UGGT2: variants seen among roughly 807,000 people sequenced by gnomAD.
UGGT2 encodes the protein UDP-glucose glycoprotein glucosyltransferase 2, also known as UDP-glucose:glycoprotein glucosyltransferase 2.
A neutral mutation model predicts 192.1 loss-of-function variants in UGGT2; 180 were observed. That is an observed-to-expected ratio of 0.94 (90% CI 0.83 to 1.06). The LOEUF is 1.06. Among genes scored for constraint, UGGT2 ranks in the 50% least tolerant of loss-of-function variants. The probability of loss-of-function intolerance (pLI) is 0.00; values close to 1 mark genes in which losing one functional copy is unlikely to be tolerated. For missense variants in UGGT2, 1,849 were observed against 1,795.7 expected, an observed-to-expected ratio of 1.03 and a Z score of -0.54; for synonymous variants, 580 against 591.0, an observed-to-expected ratio of 0.98 and a Z score of 0.27.
chr13:95,989,848 T>A, intron 8 of UGGT2, 125 bp downstream of exon 8: 1 of 548,382 alleles, frequency 1.8e-6, no homozygotes, highest in Non-Finnish European at 3.0e-6. Flanking sequence ...AATCATAATT[T>A]ATATTATTCA....
intron 10 of UGGT2, among the ~76,000 whole-genome samples, chr13:95,979,502 A>G (rs1361259118): frequency 6.7e-6 from 1 of 148,350 alleles, no homozygotes; most frequent in Non-Finnish European, 1.5e-5. Flanking sequence ...TCATGCAAAA[A>G]CTAGAATAGG....
chr13:95,965,435 T>C (rs2140737521), intron 12 of UGGT2, among the ~76,000 whole-genome samples: 1 of 152,052 alleles, frequency 6.6e-6, no homozygotes, highest in Non-Finnish European at 1.5e-5. Flanking sequence ...GTTCATGTCC[T>C]TTGTAGGGAC....
chr13:95,806,290 G>C (rs1315356709), intron 38 of UGGT2, among the ~76,000 whole-genome samples: 1 of 152,170 alleles, frequency 6.6e-6, no homozygotes, highest in Non-Finnish European at 1.5e-5. Flanking sequence ...ATTTATGGTT[G>C]ATATCTGAAG....
intron 1 of UGGT2, among the ~76,000 whole-genome samples, chr13:96,042,279 T>A (rs1348904031): frequency 6.6e-6 from 1 of 152,124 alleles, no homozygotes; most frequent in Non-Finnish European, 1.5e-5. Flanking sequence ...TCTCTACAGC[T>A]TGGCTGTCAG....
At chr13:95,842,074 G>C (rs1468043297) in intron 36 of UGGT2, among the ~76,000 whole-genome samples, 1 of 152,114 alleles carries the variant, frequency 6.6e-6, no homozygotes, top group African/African-American at 2.4e-5. Flanking sequence ...CCACTACTGG[G>C]CATAAAGAAT....
intron 5 of UGGT2, among the ~76,000 whole-genome samples, 176 bp downstream of exon 5, chr13:96,013,131 C>T (rs1326572858): frequency 2.0e-5 from 3 of 151,728 alleles, no homozygotes; most frequent in African/African-American, 7.3e-5. Flanking sequence ...GACATCATAC[C>T]CCCAGAAGAG....
At chr13:95,841,191 G>A (rs1157915204) in intron 36 of UGGT2, among the ~76,000 whole-genome samples, 1 of 152,126 alleles carries the variant, frequency 6.6e-6, no homozygotes, top group African/African-American at 2.4e-5. Context: ...CGTTCACCAC[G>A]TGTATCCCAG....
intron 38 of UGGT2, among the ~76,000 whole-genome samples, chr13:95,830,642 A>C (rs947507682): frequency 2.4e-4 from 37 of 152,194 alleles, no homozygotes; most frequent in Non-Finnish European, 1.0e-4. Context: ...GATGCTGGAG[A>C]GGATGTGGAG....
intron 13 of UGGT2, 76 bp from the exon 14 acceptor site, chr13:95,948,157 G>T: frequency 1.7e-6 from 2 of 1,152,704 alleles, no homozygotes; most frequent in Non-Finnish European, 2.5e-6. Context: ...ACTAATTTTT[G>T]TGACTGAAAG....
chr13:95,930,074 G>A (rs553085078), intron 17 of UGGT2, among the ~76,000 whole-genome samples: 21 of 152,234 alleles, frequency 1.4e-4, no homozygotes, highest in African/African-American at 3.6e-4. Context: ...GGCCGCCTGC[G>A]TGTCTTCTTT....
Position 95,887,954 on chromosome 13 carries a change from G to A in UGGT2, c.2976C>T (p.Ile992=). ...AQLLVVLGKI[I]NMKIKLFMNC... is the part of the protein sequence containing the mutation. ...TCATGAACAACTTTATCTTCATGTT[G>A]ATAATCTTGCCAAGTACCTATTGGA... The change falls in exon 26 of 39, where the codon ATC becomes ATT. Residue 992 remains isoleucine (I), a synonymous_variant. Coordinates refer to ENST00000376747, the MANE Select transcript of UGGT2 (RefSeq NM_020121.4). 6.2e-7 allele frequency: 1 copy of A among 1,602,082 alleles called. No homozygotes were observed. The highest frequency in any genetic ancestry group is 8.5e-7 in the Non-Finnish European group (1 of 1,173,552).
intron 1 of UGGT2, among the ~76,000 whole-genome samples, chr13:96,040,156 T>G (rs1404386914): frequency 6.6e-6 from 1 of 152,238 alleles, no homozygotes; most frequent in Non-Finnish European, 1.5e-5. Flanking sequence ...GTCCAAAATC[T>G]GTATTAGTTT....
chr13:95,886,872 G>T (rs140414627), intron 26 of UGGT2, among the ~76,000 whole-genome samples: 1 of 151,832 alleles, frequency 6.6e-6, no homozygotes, highest in Admixed American at 6.6e-5. Flanking sequence ...GCAAGACCCC[G>T]TCTCTACAAA....
intron 2 of UGGT2, 30 bp downstream of exon 2, chr13:96,031,859 C>A: frequency 6.6e-7 from 1 of 1,517,254 alleles, no homozygotes; most frequent in South Asian, 1.2e-5. Context: ...AAATACAAAT[C>A]TTACAAGTTA....
At chr13:95,853,879 C>A (rs1889310281) in intron 35 of UGGT2, among the ~76,000 whole-genome samples, 1 of 152,016 alleles carries the variant, frequency 6.6e-6, no homozygotes. Flanking sequence ...AGGGTCACCC[C>A]AAGATTTTCC....
chr13:96,017,401 C>A (rs1028225613), intron 4 of UGGT2, among the ~76,000 whole-genome samples: 1 of 152,182 alleles, frequency 6.6e-6, no homozygotes, highest in Non-Finnish European at 1.5e-5. Flanking sequence ...CGTGCCTGTT[C>A]CAGCTTCGCC....
chr13:95,991,388 C>G (rs927707504), intron 7 of UGGT2: 6 of 431,622 alleles, frequency 1.4e-5, no homozygotes, highest in Admixed American at 7.8e-5. Context: ...CAGCATCTGT[C>G]GTTTCCTTTT....
intron 4 of UGGT2, among the ~76,000 whole-genome samples, chr13:96,020,029 T>C (rs1489440023): frequency 6.6e-6 from 1 of 152,200 alleles, no homozygotes; most frequent in Non-Finnish European, 1.5e-5. Flanking sequence ...ATGGGTTATT[T>C]AGTTCACTCC....
intron 4 of UGGT2, among the ~76,000 whole-genome samples, chr13:96,017,388 T>G (rs1566828894): frequency 6.6e-6 from 1 of 152,324 alleles, no homozygotes; most frequent in Non-Finnish European, 1.5e-5. Flanking sequence ...TCTCACTATG[T>G]GACGTGCCTG....
Sources: allele counts gnomAD v4.1 joint callset (sites outside exome capture counted in the v4.1 genomes callset), GRCh38; gene constraint gnomAD v4.1.1; transcripts MANE v1.5; gene names NCBI Gene and HGNC (gene_info 2026-07-23, HGNC 2026-07-21).